SSBP2: variants seen among roughly 807,000 people sequenced by gnomAD.
SSBP2 encodes single-stranded DNA-binding protein 2.
Under a neutral mutation model 61.8 loss-of-function variants are expected in SSBP2, and 17 were observed. The ratio of observed to expected loss-of-function variants is 0.28; its 90% CI spans 0.19 to 0.41. SSBP2 has a LOEUF of 0.41. SSBP2 is among the 10% of genes least tolerant of loss of function. The probability of loss-of-function intolerance (pLI) is 1.00; values close to 1 mark genes in which losing one functional copy is unlikely to be tolerated. For missense variants in SSBP2, 310 were observed against 458.7 expected (o/e 0.68, Z 2.96); for synonymous variants, 139 against 141.3 (o/e 0.98, Z 0.12).
intron 6 of SSBP2, among the ~76,000 whole-genome samples, chr5:81,483,413 T>C (rs911732074): frequency 6.6e-6 from 1 of 152,126 alleles, no homozygotes; most frequent in Admixed American, 6.6e-5. Context: ...GCTGAAAAAA[T>C]GGTGAATTTC....
At chr5:81,574,128 G>C (rs1360534876) in intron 4 of SSBP2, among the ~76,000 whole-genome samples, 1 of 151,990 alleles carries the variant, frequency 6.6e-6, no homozygotes, top group Non-Finnish European at 1.5e-5. Flanking sequence ...GTGACAGAGT[G>C]AGACTCCATC....
chr5:81,629,957 T>G (rs778590013), intron 3 of SSBP2, among the ~76,000 whole-genome samples: 5 of 152,212 alleles, frequency 3.3e-5, no homozygotes, highest in Admixed American at 6.5e-5. Flanking sequence ...TTTAAATTGT[T>G]TATCTTTCCT....
intron 1 of SSBP2, among the ~76,000 whole-genome samples, chr5:81,735,611 C>T (rs1287104086): frequency 1.3e-5 from 2 of 152,060 alleles, no homozygotes; most frequent in African/African-American, 2.4e-5. Context: ...ATGCAACCAT[C>T]CATTTTTGAT....
intron 4 of SSBP2, among the ~76,000 whole-genome samples, chr5:81,542,009 C>A (rs1354166216): frequency 6.6e-6 from 1 of 152,136 alleles, no homozygotes; most frequent in African/African-American, 2.4e-5. Context: ...AAAGTATTCA[C>A]AAACTCTGCA....
chr5:81,429,867 C>G (rs1035250219), intron 15 of SSBP2, among the ~76,000 whole-genome samples: 2 of 152,126 alleles, frequency 1.3e-5, no homozygotes, highest in African/African-American at 4.8e-5. Flanking sequence ...TCTTGCTGTG[C>G]ACCCCGCAGG....
chr5:81,519,210 T>C (rs1389832614), intron 4 of SSBP2, among the ~76,000 whole-genome samples: 1 of 152,182 alleles, frequency 6.6e-6, no homozygotes, highest in African/African-American at 2.4e-5. Context: ...GACACAGCAG[T>C]AAAGCAGTAA....
intron 10 of SSBP2, among the ~76,000 whole-genome samples, chr5:81,453,134 A>G (rs1763886590): frequency 6.6e-6 from 1 of 151,978 alleles, no homozygotes; most frequent in African/African-American, 2.4e-5. Context: ...GTCTCTATAA[A>G]AAACAAAAAA....
chr5:81,662,659 G>C (rs1006305289), intron 1 of SSBP2, among the ~76,000 whole-genome samples: 2 of 151,890 alleles, frequency 1.3e-5, no homozygotes, highest in Non-Finnish European at 2.9e-5. Context: ...AAAATTAGCT[G>C]GGCATGGTGG....
rs148582903 is a variant in SSBP2, at chr5:81,705,969, A to G, written c.62+45012T>C. On this transcript the variant is annotated intron_variant, in intron 1 of 16. Transcript: ENST00000320672. ...CAAATAACTCAAAACACAACTACCA[A>G]TCAACCCAGCAATCCTATTACTGAA... Among the ~76,000 whole-genome samples, 1,396 of 152,286 alleles carry G rather than the reference A, an allele frequency of 9.2e-3. 26 individuals carry two copies. Among genetic ancestry groups the G allele is most frequent in the African/African-American group, 0.032 (1,337 of 41,566 alleles).
At chr5:81,751,453 C>T (rs930189324), upstream of SSBP2, among the ~76,000 whole-genome samples, 6 of 152,110 alleles carry the variant, frequency 3.9e-5, no homozygotes, top group African/African-American at 7.2e-5. Context: ...CCCGCGCCGC[C>T]CGCGCTCAGC....
At chr5:81,597,697 T>C (rs1743914202) in intron 4 of SSBP2, among the ~76,000 whole-genome samples, 3 of 152,090 alleles carry the variant, frequency 2.0e-5, no homozygotes, top group Non-Finnish European at 2.9e-5. Context: ...GATGAGTTCA[T>C]GTCCTTTGTA....
chr5:81,571,612 T>C (rs573883500), intron 4 of SSBP2, among the ~76,000 whole-genome samples: 48 of 152,298 alleles, frequency 3.2e-4, no homozygotes, highest in African/African-American at 1.0e-3. Flanking sequence ...ATAGAATTGA[T>C]TTTATTTATG....
At chr5:81,638,719 T>C (rs1748497060) in intron 2 of SSBP2, among the ~76,000 whole-genome samples, 1 of 152,224 alleles carries the variant, frequency 6.6e-6, no homozygotes, top group South Asian at 2.1e-4. Flanking sequence ...CCAAACAATT[T>C]TAACTTACTA....
chr5:81,476,881 CTCAG>C (rs1178801007), intron 6 of SSBP2, among the ~76,000 whole-genome samples: 1 of 152,066 alleles, frequency 6.6e-6, no homozygotes, highest in Non-Finnish European at 1.5e-5. Context: ...CACCTATTTA[CTCAG>C]TCATAGATTT....
chr5:81,503,823 T>C (rs1407046127), intron 5 of SSBP2, among the ~76,000 whole-genome samples: 1 of 152,188 alleles, frequency 6.6e-6, no homozygotes, highest in Non-Finnish European at 1.5e-5. Flanking sequence ...AATGAGATCA[T>C]GTCTTTTGCA....
chr5:81,658,661 T>C (rs1220692653), intron 1 of SSBP2, among the ~76,000 whole-genome samples: 1 of 152,222 alleles, frequency 6.6e-6, no homozygotes, highest in Non-Finnish European at 1.5e-5. Flanking sequence ...TATATAGTAT[T>C]TGTCTTCCTC....
rs1751606038 is a variant in SSBP2 at position 81,671,904 on chromosome 5, G to A, written c.63-21565C>T. On this transcript the variant is annotated intron_variant, in intron 1 of 16. Coordinates refer to ENST00000320672, the MANE Select transcript of SSBP2 (RefSeq NM_012446.5). ...GGAAATGGGATAAGCAGAGAGAAAA[G>A]GGGATTTTTAAGGAAAGAATAATAG... is the stretch of plus-strand genomic sequence containing the variant. Among the ~76,000 whole-genome samples, 4 of 152,160 alleles carry A rather than the reference G, an allele frequency of 2.6e-5. 1 individual carries two copies. The South Asian group carries it at 8.3e-4, about 32-fold the overall frequency.
rs551493734 is a variant in SSBP2, at chr5:81,739,590, A to C, written c.62+11391T>G. ...CCTGATGGGCAGAGATTGCCAGGTT[A>C]TTAAGATCTGACTCAGGAAGGCTCA... On this transcript the variant is annotated intron_variant, in intron 1 of 16. Coordinates refer to ENST00000320672, the MANE Select transcript of SSBP2 (RefSeq NM_012446.5). Among the ~76,000 whole-genome samples, 755 of 152,288 alleles carry C rather than the reference A, an allele frequency of 5.0e-3. 2 individuals carry two copies. Among genetic ancestry groups the C allele is most frequent in the African/African-American group, 0.016 (683 of 41,568 alleles).
chr5:81,736,941 A>G (rs1756663871), intron 1 of SSBP2, among the ~76,000 whole-genome samples: 1 of 152,196 alleles, frequency 6.6e-6, no homozygotes, highest in Non-Finnish European at 1.5e-5. Flanking sequence ...ATGGTACCAC[A>G]GTTATTTTCT....
Sources: gnomAD v4.1 joint callset for allele counts (sites outside exome capture counted in the v4.1 genomes callset) on GRCh38, gnomAD v4.1.1 for gene constraint, MANE v1.5 for transcripts, NCBI Gene and HGNC (gene_info 2026-07-23, HGNC 2026-07-21) for gene names.